The following ENPP1 variants were observed in gnomAD, a reference collection of about 807,000 sequenced individuals.
The protein encoded by ENPP1 is ectonucleotide pyrophosphatase/phosphodiesterase 1, also known as ectonucleotide pyrophosphatase/phosphodiesterase family member 1.
Under a neutral mutation model 122.8 loss-of-function variants are expected in ENPP1, and 73 were observed. The ratio of observed to expected loss-of-function variants is 0.59; its 90% CI spans 0.49 to 0.72. ENPP1 has a LOEUF of 0.72. Among genes scored for constraint, ENPP1 ranks in the 30% least tolerant of loss-of-function variants. ENPP1 has a pLI of 0.00. For missense variants in ENPP1, 978 were observed against 1,128.1 expected, an observed-to-expected ratio of 0.87 and a Z score of 1.91; for synonymous variants, 367 against 391.6, an observed-to-expected ratio of 0.94 and a Z score of 0.74.
intron 1 of ENPP1, among the ~76,000 whole-genome samples, chr6:131,818,960 T>C (rs1429611392): frequency 6.6e-6 from 1 of 152,240 alleles, no homozygotes; most frequent in Non-Finnish European, 1.5e-5. Flanking sequence ...TATGAAGCTA[T>C]CAGCTGTCTA....
At chr6:131,868,465 A>G (rs1782118017) in intron 12 of ENPP1, among the ~76,000 whole-genome samples, 1 of 152,196 alleles carries the variant, frequency 6.6e-6, no homozygotes, top group Non-Finnish European at 1.5e-5. Flanking sequence ...TTTTTGAGAC[A>G]GTCTCATTCT....
intron 6 of ENPP1, among the ~76,000 whole-genome samples, chr6:131,856,340 G>T: frequency 6.6e-6 from 1 of 150,454 alleles, no homozygotes; most frequent in Non-Finnish European, 1.5e-5. Flanking sequence ...GGGGTTGTTT[G>T]TTTTTTTCTT....
intron 1 of ENPP1, among the ~76,000 whole-genome samples, chr6:131,829,322 G>A (rs1409993806): frequency 2.0e-5 from 3 of 152,182 alleles, no homozygotes; most frequent in African/African-American, 7.2e-5. Flanking sequence ...GATAGTTGCT[G>A]CAAAAGAGAC....
At chr6:131,872,849 C>G in intron 14 of ENPP1, 74 bp from the exon 15 acceptor site, 2 of 1,419,178 alleles carry the variant, frequency 1.4e-6, no homozygotes, top group South Asian at 2.4e-5. Flanking sequence ...TAATAAATAT[C>G]TTTCCCTAAA....
In ENPP1 at chr6:131,823,997, G is replaced by C. The variant is rs1562510771; in HGVS notation, c.240+15722G>C. Among the ~76,000 whole-genome samples, 4 of 151,038 alleles carry C rather than the reference G, an allele frequency of 2.6e-5. No homozygotes were observed. In the Admixed American group the frequency reaches 2.7e-4, roughly 10 times the overall value. On this transcript the variant is annotated intron_variant, in intron 1 of 24. Coordinates refer to ENST00000647893, the MANE Select transcript of ENPP1 (RefSeq NM_006208.3). The stretch of plus-strand genomic sequence containing the variant: ...TAGATCGGGGTTCAATATTGTTATT[G>C]CTATGGTTTGTAACTTATTTAACAA...
chr6:131,827,929 G>A (rs1288673908), intron 1 of ENPP1: 6 of 1,088,170 alleles, frequency 5.5e-6, no homozygotes, highest in Middle Eastern at 2.0e-4. Flanking sequence ...GGTGGTCCGT[G>A]GAGAATCGAA....
At chr6:131,820,163 G>T in intron 1 of ENPP1, 1 of 292,300 alleles carries the variant, frequency 3.4e-6, no homozygotes, top group African/African-American at 2.2e-5. Context: ...ATTTTGGTGT[G>T]GTTTTAAAGA....
chr6:131,882,651 T>TA (rs1782327966), intron 21 of ENPP1, among the ~76,000 whole-genome samples, 177 bp downstream of exon 21: 1 of 58,928 alleles, frequency 1.7e-5, no homozygotes, highest in African/African-American at 1.6e-4. Flanking sequence ...TATTACTATT[T>TA]TATATATATA....
intron 1 of ENPP1, among the ~76,000 whole-genome samples, chr6:131,829,667 C>T (rs1377673986): frequency 6.6e-6 from 1 of 152,134 alleles, no homozygotes; most frequent in African/African-American, 2.4e-5. Context: ...GAAGAGCTAA[C>T]GGTCAAACAG....
intron 24 of ENPP1, among the ~76,000 whole-genome samples, chr6:131,889,481 G>A (rs1289214310): frequency 6.6e-6 from 1 of 151,988 alleles, no homozygotes; most frequent in Non-Finnish European, 1.5e-5. Flanking sequence ...GAGAACATGA[G>A]GTTTCGATTT....
At chr6:131,847,657 G>T in intron 1 of ENPP1, 119 bp from the exon 2 acceptor site, 1 of 716,758 alleles carries the variant, frequency 1.4e-6, no homozygotes. Flanking sequence ...AGTGAACTAT[G>T]ATCATGCCAC....
At chr6:131,869,762 A>G (rs565005894) in intron 13 of ENPP1, among the ~76,000 whole-genome samples, 1 of 151,672 alleles carries the variant, frequency 6.6e-6, no homozygotes, top group Non-Finnish European at 1.5e-5. Context: ...AGGCTGAGGT[A>G]CAAGAATCGC....
At chr6:131,838,320 T>C (rs1781701137) in intron 1 of ENPP1, among the ~76,000 whole-genome samples, 1 of 152,104 alleles carries the variant, frequency 6.6e-6, no homozygotes, top group African/African-American at 2.4e-5. Context: ...CCAGTAGAAA[T>C]ATCTTTCAAA....
intron 1 of ENPP1, among the ~76,000 whole-genome samples, chr6:131,837,172 T>G (rs952784200): frequency 8.8e-5 from 12 of 135,974 alleles, no homozygotes; most frequent in Non-Finnish European, 1.4e-4. Context: ...CCTGTTGTCA[T>G]TGTGTGTGTG....
At chr6:131,889,925 T>C (rs1782443758) in intron 24 of ENPP1, among the ~76,000 whole-genome samples, 1 of 151,468 alleles carries the variant, frequency 6.6e-6, no homozygotes, top group Admixed American at 6.6e-5. Flanking sequence ...AAAGCATTCC[T>C]TTTTCTCCAC....
rs1400795571 is a variant in ENPP1 at position 131,828,270 on chromosome 6, T to G, written c.241-19506T>G. 6 of 543,560 alleles carry G rather than the reference T, an allele frequency of 1.1e-5. No individual in the cohort carries two copies. The Admixed American group carries it at 1.2e-4, about 11-fold the overall frequency. The allele number at this position is 543,560 out of a possible 1,614,324, so 33.7% of individuals were successfully genotyped here. ...GTAAGAAGACAGCACAGAACCCTGCTCTGTGTCAGCTGGAGAGCTCCAGCC... is the reference window on the plus strand; with the variant it reads ...GTAAGAAGACAGCACAGAACCCTGCGCTGTGTCAGCTGGAGAGCTCCAGCC... On this transcript the variant is annotated intron_variant, in intron 1 of 24. Coordinates refer to ENST00000647893, the MANE Select transcript of ENPP1 (RefSeq NM_006208.3).
intron 5 of ENPP1, among the ~76,000 whole-genome samples, chr6:131,853,187 G>T (rs1381443346): frequency 1.3e-5 from 2 of 151,948 alleles, no homozygotes; most frequent in African/African-American, 4.8e-5. Flanking sequence ...GGAAGGAAAA[G>T]TACTTTTGAT....
intron 7 of ENPP1, among the ~76,000 whole-genome samples, chr6:131,859,512 A>G (rs1232071777): frequency 1.3e-5 from 2 of 151,846 alleles, no homozygotes; most frequent in Non-Finnish European, 2.9e-5. Context: ...CAGCCTCCCA[A>G]GTAGCTGGGA....
intron 3 of ENPP1, 87 bp downstream of exon 3, chr6:131,850,193 CT>C: frequency 2.1e-6 from 2 of 948,812 alleles, no homozygotes; most frequent in South Asian, 2.6e-5. Context: ...TGTGATTTAC[CT>C]AATTCATTTG....
Sources: gnomAD v4.1 joint callset for allele counts (sites outside exome capture counted in the v4.1 genomes callset) on GRCh38, gnomAD v4.1.1 for gene constraint, MANE v1.5 for transcripts, NCBI Gene and HGNC (gene_info 2026-07-23, HGNC 2026-07-21) for gene names.